Variants in AADAC observed in about 807,000 individuals in gnomAD.
AADAC encodes arylacetamide deacetylase (esterase).
Under a neutral mutation model 22.7 loss-of-function variants are expected in AADAC, and 17 were observed. The observed-to-expected ratio is 0.75, with a 90% CI of 0.51 to 1.12. The LOEUF (loss-of-function observed/expected upper bound fraction) is 1.12. AADAC is among the 50% of genes most tolerant of loss of function. AADAC has a pLI of 0.00. For missense variants in AADAC, 465 were observed against 473.9 expected, an observed-to-expected ratio of 0.98 and a Z score of 0.17; for synonymous variants, 167 against 176.3, an observed-to-expected ratio of 0.95 and a Z score of 0.42.
chr3:151,828,336 T>TTAAATGACAGAGAAGGCAACCCCCCCAGG lies in AADAC; in HGVS notation c.*165_*166insAAATGACAGAGAAGGCAACCCCCCCAGGT. ...TTTTTTTCTTACTGTGGGATTTCAT[T>TTAAATGACAGAGAAGGCAACCCCCCCAGG]TCAATTTTCTACATTGTCTATCTGC... On this transcript the variant is annotated 3_prime_UTR_variant, in exon 5 of 5. Transcript: ENST00000232892. 1 of 415,890 alleles carries TTAAATGACAGAGAAGGCAACCCCCCCAGG rather than the reference T, an allele frequency of 2.4e-6. No individual in the cohort carries two copies. Among genetic ancestry groups the TTAAATGACAGAGAAGGCAACCCCCCCAGG allele is most frequent in the Admixed American group, 4.1e-5 (1 of 24,204 alleles). The allele number at this position is 415,890 out of a possible 1,614,324, so 25.8% of individuals were successfully genotyped here.
intron 3 of AADAC, among the ~76,000 whole-genome samples, chr3:151,821,234 T>C (rs1347414443): frequency 6.6e-6 from 1 of 151,970 alleles, no homozygotes; most frequent in Non-Finnish European, 1.5e-5. Flanking sequence ...ATGTAGGCTA[T>C]ATAATTTTAA....
chr3:151,824,536 C>A, intron 3 of AADAC, 127 bp from the exon 4 acceptor site: 1 of 574,166 alleles, frequency 1.7e-6, no homozygotes, highest in Non-Finnish European at 2.7e-6. Flanking sequence ...TACTTATGTG[C>A]ACCTCCAGCA....
Position 151,827,735 on chromosome 3 carries a change from A to G in AADAC, c.763A>G (p.Thr255Ala). The change falls in exon 5 of 5, where the codon ACC (threonine) becomes GCC (alanine). Residue 255 changes from threonine to alanine, a missense_variant. Transcript: ENST00000232892. ...GGTCAGATTCTGGAGTGAATATTTT[A>G]CCACTGATAGATCACTTGAAAAAGC... ...LMVRFWSEYF[T>A]TDRSLEKAML... 1 of 1,613,210 alleles carries G rather than the reference A, an allele frequency of 6.2e-7. No individual in the cohort carries two copies. Among genetic ancestry groups the G allele is most frequent in the Non-Finnish European group, 8.5e-7 (1 of 1,179,488 alleles).
intron 1 of AADAC, among the ~76,000 whole-genome samples, chr3:151,816,360 C>T (rs914898324): frequency 6.6e-6 from 1 of 152,096 alleles, no homozygotes; most frequent in Non-Finnish European, 1.5e-5. Flanking sequence ...TTATTTCAAG[C>T]CTCAGACAAA....
chr3:151,818,078 AAACAATAC>A (rs1157804884), intron 2 of AADAC, among the ~76,000 whole-genome samples: 4 of 151,736 alleles, frequency 2.6e-5, no homozygotes, highest in Non-Finnish European at 1.5e-5. Flanking sequence ...GTATCTACTA[AAACAATAC>A]AAAAATTAGC....
intron 3 of AADAC, among the ~76,000 whole-genome samples, chr3:151,821,010 A>G (rs77222284): frequency 0.024 from 3,604 of 151,736 alleles, 153 homozygotes; most frequent in African/African-American, 0.082. Context: ...TTTTTCACAT[A>G]AATTCAAACT....
In AADAC at chr3:151,824,851, T is replaced by C; in HGVS notation, c.603+17T>C. The C allele has an allele frequency of 1.3e-6, 2 of 1,511,738 alleles. No homozygotes were observed. The highest frequency in any genetic ancestry group is 2.4e-5 in the East Asian group (1 of 41,978). 93.6% of individuals were successfully genotyped at this position (1,511,738 alleles called of 1,614,324 possible). A position where few individuals can be genotyped will look rare whatever the true frequency, so the allele number is the denominator to read the frequency against. On this transcript the variant is annotated intron_variant, in intron 4 of 4. Transcript: ENST00000232892. ...ACTCAACAGGTATGTTCATAATTTC[T>C]ATGCTTTTTAAAAATAGCGTTTCTA... is the stretch of plus-strand genomic sequence containing the variant.
At chr3:151,817,296 C>T (rs1716028715) in intron 1 of AADAC, 70 bp from the exon 2 acceptor site, 2 of 1,332,592 alleles carry the variant, frequency 1.5e-6, no homozygotes, top group Non-Finnish European at 2.1e-6. Flanking sequence ...TTAATGTCTA[C>T]CTATAAGTCC....
At chr3:151,822,812 T>C (rs955837095) in intron 3 of AADAC, among the ~76,000 whole-genome samples, 2 of 152,028 alleles carry the variant, frequency 1.3e-5, no homozygotes, top group African/African-American at 4.8e-5. Context: ...CCAAAATTGA[T>C]TGTGGCAATG....
chr3:151,825,328 G>T (rs1716441292), intron 4 of AADAC, among the ~76,000 whole-genome samples: 1 of 151,918 alleles, frequency 6.6e-6, no homozygotes, highest in South Asian at 2.1e-4. Flanking sequence ...AGGAGTTCAA[G>T]GTTACAGTAA....
At chr3:151,821,009 T>G (rs953628155) in intron 3 of AADAC, among the ~76,000 whole-genome samples, 1 of 151,810 alleles carries the variant, frequency 6.6e-6, no homozygotes, top group East Asian at 1.9e-4. Context: ...TTTTTTCACA[T>G]AAATTCAAAC....
intron 1 of AADAC, among the ~76,000 whole-genome samples, chr3:151,814,634 A>G (rs1715907758): frequency 6.6e-6 from 1 of 152,082 alleles, no homozygotes; most frequent in Non-Finnish European, 1.5e-5. Flanking sequence ...TTTTATACTC[A>G]AATTAGAGAT....
rs1368049695 is a variant in AADAC, at chr3:151,824,853, T to C, written c.603+19T>C. The C allele has an allele frequency of 1.3e-6, 2 of 1,511,644 alleles. No homozygotes were observed. Among genetic ancestry groups the C allele is most frequent in the East Asian group, 2.4e-5 (1 of 41,970 alleles). The allele number at this position is 1,511,644 out of a possible 1,614,324, so 93.6% of individuals were successfully genotyped here. A position where few individuals can be genotyped will look rare whatever the true frequency, so the allele number is the denominator to read the frequency against. Reference sequence around the variant, plus strand: ...TCAACAGGTATGTTCATAATTTCTATGCTTTTTAAAAATAGCGTTTCTACG... The same window carrying C: ...TCAACAGGTATGTTCATAATTTCTACGCTTTTTAAAAATAGCGTTTCTACG... On this transcript the variant is annotated intron_variant, in intron 4 of 4. Transcript: ENST00000232892.
chr3:151,827,778 A>T lies in AADAC; in HGVS notation c.806A>T (p.His269Leu). ...SLEKAMLSRQ[H>L]VPVESSHLFK... ...GAAAAAGCCATGCTTTCCAGACAAC[A>T]TGTACCTGTGGAATCAAGTCATCTC... Residue 269 changes from histidine (H) to leucine (L), a missense_variant, in exon 5 of 5, where the codon CAT becomes CTT. By Grantham distance (99) the His-to-Leu change is moderately conservative (BLOSUM62 -3). Transcript: ENST00000232892. The T allele has an allele frequency of 6.2e-7, 1 of 1,613,376 alleles. No individual in the cohort carries two copies. Among genetic ancestry groups the T allele is most frequent in the South Asian group, 1.1e-5 (1 of 91,068 alleles).
At chr3:151,818,314 G>A (rs4679941) in intron 2 of AADAC, among the ~76,000 whole-genome samples, 115,638 of 151,386 alleles carry the variant, frequency 0.76, 44,538 homozygotes, top group Middle Eastern at 0.84. Context: ...GACAATCTTT[G>A]ATCGATAAAT....
rs536814628 is a variant in AADAC, at chr3:151,824,781, G to A, written c.550G>A (p.Gly184Ser). ...AKYGVNPERI[G>S]ISGDSAGGNL... ...ATATGGTGTGAACCCTGAGAGAATC[G>A]GTATTTCTGGAGATAGTGCAGGAGG... The change falls in exon 4 of 5, where the codon GGT becomes AGT. Residue 184 changes from glycine to serine, a missense_variant. Transcript: ENST00000232892. 14 of 1,606,360 alleles carry A rather than the reference G, an allele frequency of 8.7e-6. No individual in the cohort carries two copies. The highest frequency in any genetic ancestry group is 6.8e-5 in the Admixed American group (4 of 58,782).
chr3:151,826,443 T>A (rs936954108), intron 4 of AADAC, among the ~76,000 whole-genome samples: 11 of 151,908 alleles, frequency 7.2e-5, no homozygotes, highest in Non-Finnish European at 1.6e-4. Context: ...CCTGGCAACT[T>A]GTAACAATCT....
At position 151,827,989 on chromosome 3, in the gene AADAC, C is replaced by T. The variant is rs1716578796; in HGVS notation, c.1017C>T (p.Thr339=). The stretch of plus-strand genomic sequence containing the variant: ...GCTTACCCCTGACCTATGTCATCAC[C>T]TGTCAATATGATCTCTTAAGAGATG... ...LRGLPLTYVI[T]CQYDLLRDDG... is the part of the protein sequence containing the mutation. The change falls in exon 5 of 5, where the codon ACC becomes ACT. Residue 339 remains threonine (T), a synonymous_variant. Coordinates refer to ENST00000232892, the MANE Select transcript of AADAC (RefSeq NM_001086.3). 14 of 1,613,032 alleles carry T rather than the reference C, an allele frequency of 8.7e-6. No individual in the cohort carries two copies. The highest frequency in any genetic ancestry group is 1.2e-5 in the Non-Finnish European group (14 of 1,179,372).
rs1178450401 is a variant in AADAC at position 151,828,206 on chromosome 3, A to G, written c.*34A>G. 1 of 1,335,236 alleles carries G rather than the reference A, an allele frequency of 7.5e-7. No individual in the cohort carries two copies. Among genetic ancestry groups the G allele is most frequent in the Non-Finnish European group, 9.9e-7 (1 of 1,007,874 alleles). The allele number at this position is 1,335,236 out of a possible 1,614,324, so 82.7% of individuals were successfully genotyped here. A position where few individuals can be genotyped will look rare whatever the true frequency, so the allele number is the denominator to read the frequency against. On this transcript the variant is annotated 3_prime_UTR_variant, in exon 5 of 5. Coordinates refer to ENST00000232892, the MANE Select transcript of AADAC (RefSeq NM_001086.3). The stretch of plus-strand genomic sequence containing the variant: ...GTAGCTATAACATATTTTAAAAATA[A>G]AATCTGAAAACCTCAGAAAATTTGC...
Sources: allele counts gnomAD v4.1 joint callset (sites outside exome capture counted in the v4.1 genomes callset), GRCh38; gene constraint gnomAD v4.1.1; transcripts MANE v1.5; gene names NCBI Gene and HGNC (gene_info 2026-07-23, HGNC 2026-07-21).